The following NRG3 variants were observed in gnomAD, a reference collection of about 807,000 sequenced individuals.
NRG3 encodes neuregulin 3, also known as pro-neuregulin-3, membrane-bound isoform.
NRG3 carries 31 observed loss-of-function variants against 66.9 expected under a neutral mutation model. The observed-to-expected ratio is 0.46, with a 90% CI of 0.35 to 0.63. NRG3 has a LOEUF of 0.63. Ranked by LOEUF, NRG3 falls within the 20% of genes least tolerant of loss-of-function variation. The pLI, the probability that NRG3 is intolerant of heterozygous loss-of-function variation, is 0.00. For missense variants in NRG3, 910 were observed against 878.9 expected (o/e 1.04, Z -0.45); for synonymous variants, 393 against 359.4 (o/e 1.09, Z -1.06).
chr10:82,838,969 T>G (rs1376654903), intron 3 of NRG3, among the ~76,000 whole-genome samples: 3 of 152,124 alleles, frequency 2.0e-5, no homozygotes, highest in Non-Finnish European at 4.4e-5. Flanking sequence ...AAGGGTTTCC[T>G]CTTATAAAAC....
intron 3 of NRG3, among the ~76,000 whole-genome samples, chr10:82,821,741 C>G (rs921202977): frequency 6.6e-6 from 1 of 152,174 alleles, no homozygotes; most frequent in African/African-American, 2.4e-5. Flanking sequence ...AGTCACTTAA[C>G]TTCCCTGACT....
chr10:82,291,677 GAC>G (rs1404992097), intron 1 of NRG3, among the ~76,000 whole-genome samples: 1 of 152,100 alleles, frequency 6.6e-6, no homozygotes, highest in East Asian at 1.9e-4. Flanking sequence ...CATGATTTTT[GAC>G]AAAGGCACAA....
chr10:82,684,314 T>A (rs2054337478), intron 2 of NRG3, among the ~76,000 whole-genome samples: 2 of 152,230 alleles, frequency 1.3e-5, no homozygotes, highest in Non-Finnish European at 1.5e-5. Flanking sequence ...GTGATGGCAG[T>A]CTGCTTCCAA....
At chr10:82,329,727 A>G (rs1376875628) in intron 1 of NRG3, among the ~76,000 whole-genome samples, 1 of 152,160 alleles carries the variant, frequency 6.6e-6, no homozygotes, top group Non-Finnish European at 1.5e-5. Flanking sequence ...CAAATGTCTA[A>G]TGTGCTTTTA....
intron 1 of NRG3, chr10:82,230,469 G>A (rs2076400829): frequency 6.6e-6 from 1 of 151,902 alleles, no homozygotes; most frequent in Non-Finnish European, 1.5e-5. Context: ...GTGTTTTCAG[G>A]AAAAGGCAGT....
chr10:82,673,220 T>C (rs1311414739), intron 2 of NRG3, among the ~76,000 whole-genome samples: 1 of 152,246 alleles, frequency 6.6e-6, no homozygotes, highest in Non-Finnish European at 1.5e-5. Context: ...CCTGAGCTGC[T>C]GGGACAGGCT....
intron 1 of NRG3, among the ~76,000 whole-genome samples, chr10:81,963,428 C>T (rs922987558): frequency 3.4e-5 from 5 of 147,294 alleles, no homozygotes; most frequent in Admixed American, 6.8e-5. Context: ...CCACCGCGCC[C>T]GGCCCACGAG....
chr10:82,109,535 TTGTGTGTGTG>T lies in NRG3; in HGVS notation c.823+233406_823+233415del, dbSNP rs747213240. On this transcript the variant is annotated intron_variant, in intron 1 of 8. Coordinates refer to ENST00000372141, the MANE Select transcript of NRG3 (RefSeq NM_001010848.4). ...TAGGAAACAAAGCTAAAGAATAAGA[TTGTGTGTGTG>T]TGTGTGTGTGTGTGTGTGTGTGTGT... 7.6e-3 allele frequency among the ~76,000 whole-genome samples: 1,055 copies of T among 138,850 alleles called. 6 individuals carry two copies. Among genetic ancestry groups the T allele is most frequent in the Non-Finnish European group, 0.011 (690 of 64,148 alleles). The allele number at this position is 138,850 out of a possible 152,430, so 91.1% of individuals were successfully genotyped here.
intron 2 of NRG3, among the ~76,000 whole-genome samples, chr10:82,513,414 T>C (rs879070038): frequency 5.3e-5 from 8 of 152,206 alleles, no homozygotes; most frequent in Non-Finnish European, 1.2e-4. Flanking sequence ...CTGCACTGAA[T>C]ATATGCGTGC....
At chr10:82,486,703 C>T (rs1333299069) in intron 2 of NRG3, among the ~76,000 whole-genome samples, 1 of 152,176 alleles carries the variant, frequency 6.6e-6, no homozygotes, top group African/African-American at 2.4e-5. Flanking sequence ...TGAGCCACCA[C>T]ACCCGGCCAC....
chr10:82,972,385 A>G (rs536958502), intron 6 of NRG3, among the ~76,000 whole-genome samples: 1 of 152,212 alleles, frequency 6.6e-6, no homozygotes, highest in Non-Finnish European at 1.5e-5. Context: ...TCTTCCAGCC[A>G]TGTTGAAATT....
rs1005886076 is a variant in NRG3 at position 82,430,358 on chromosome 10, C to T, written c.953+71490C>T. On this transcript the variant is annotated intron_variant, in intron 2 of 8. Transcript: ENST00000372141. ...CTGTAAGCTCTGCCTCCTGGGTTCA[C>T]GCCATTCTCCTGCCTCAGCCTCCCA... Among the ~76,000 whole-genome samples the T allele has an allele frequency of 4.6e-5, 7 of 151,734 alleles. No homozygotes were observed. In the East Asian group the frequency reaches 5.8e-4, roughly 13 times the overall value.
intron 1 of NRG3, among the ~76,000 whole-genome samples, chr10:81,971,930 C>G (rs1033175838): frequency 2.6e-5 from 4 of 152,130 alleles, no homozygotes; most frequent in African/African-American, 9.7e-5. Flanking sequence ...TAGAGGACTG[C>G]ACAGCACATG....
chr10:82,658,543 T>C (rs1278676690), intron 2 of NRG3, among the ~76,000 whole-genome samples: 1 of 139,900 alleles, frequency 7.1e-6, no homozygotes, highest in Non-Finnish European at 1.6e-5. Flanking sequence ...AAAATTATTA[T>C]GCAAAGTAAA....
chr10:82,218,250 G>A (rs1410500086), intron 1 of NRG3, among the ~76,000 whole-genome samples: 1 of 152,110 alleles, frequency 6.6e-6, no homozygotes, highest in East Asian at 1.9e-4. Context: ...CAAATTAACA[G>A]CATAATATTA....
intron 1 of NRG3, among the ~76,000 whole-genome samples, chr10:82,146,282 T>A (rs1381409493): frequency 6.6e-6 from 1 of 152,198 alleles, no homozygotes; most frequent in Non-Finnish European, 1.5e-5. Flanking sequence ...ATTGCACATT[T>A]CAATATTTTA....
At chr10:82,758,548 G>A (rs2059171997) in intron 3 of NRG3, among the ~76,000 whole-genome samples, 1 of 152,024 alleles carries the variant, frequency 6.6e-6, no homozygotes, top group African/African-American at 2.4e-5. Context: ...AATTTCCCCT[G>A]TTTATTGTCA....
rs573174658 is a variant in NRG3 at position 82,312,759 on chromosome 10, C to A, written c.824-45980C>A. Reference sequence around the variant, plus strand: ...TTAGCAAGAGAGCTTAGATAAATTACAACTCCCTTAGAGCTTTCTTTTTTT... The same window carrying A: ...TTAGCAAGAGAGCTTAGATAAATTAAAACTCCCTTAGAGCTTTCTTTTTTT... On this transcript the variant is annotated intron_variant, in intron 1 of 8. Coordinates refer to ENST00000372141, the MANE Select transcript of NRG3 (RefSeq NM_001010848.4). 1.8e-4 allele frequency among the ~76,000 whole-genome samples: 27 copies of A among 152,066 alleles called. No individual in the cohort carries two copies. In the South Asian group the frequency reaches 5.6e-3, roughly 32 times the overall value.
chr10:82,306,551 A>C (rs1178408234), intron 1 of NRG3, among the ~76,000 whole-genome samples: 1 of 151,810 alleles, frequency 6.6e-6, no homozygotes, highest in Non-Finnish European at 1.5e-5. Flanking sequence ...AAATACAAAA[A>C]AAATTAGCCA....
Sources: gnomAD v4.1 joint callset for allele counts (sites outside exome capture counted in the v4.1 genomes callset) on GRCh38, gnomAD v4.1.1 for gene constraint, MANE v1.5 for transcripts, NCBI Gene and HGNC (gene_info 2026-07-23, HGNC 2026-07-21) for gene names.